Variants in PIK3AP1 observed in about 807,000 individuals in gnomAD.
PIK3AP1 encodes phosphoinositide-3-kinase adaptor protein 1, also known as phosphoinositide 3-kinase adapter protein 1.
PIK3AP1 carries 21 observed loss-of-function variants against 88.1 expected under a neutral mutation model. That is an observed-to-expected ratio of 0.24 (90% CI 0.17 to 0.34). The LOEUF (loss-of-function observed/expected upper bound fraction) is 0.34. PIK3AP1 is among the 10% of genes least tolerant of loss of function. The probability of loss-of-function intolerance (pLI) is 1.00; values close to 1 mark genes in which losing one functional copy is unlikely to be tolerated. For synonymous variants in PIK3AP1, 398 were observed against 400.0 expected (o/e 1.00, Z 0.06); for missense variants, 828 against 1,035.7 (o/e 0.80, Z 2.75).
At chr10:96,647,164 T>C (rs1223892466) in intron 7 of PIK3AP1, among the ~76,000 whole-genome samples, 1 of 152,246 alleles carries the variant, frequency 6.6e-6, no homozygotes, top group Non-Finnish European at 1.5e-5. Context: ...TGGTATGACC[T>C]AGATTGACTT....
intron 2 of PIK3AP1, among the ~76,000 whole-genome samples, chr10:96,693,138 T>A (rs780808140): frequency 4.6e-5 from 7 of 152,200 alleles, no homozygotes; most frequent in Non-Finnish European, 8.8e-5. Flanking sequence ...TTACAACAAG[T>A]TCACTTCCTT....
intron 2 of PIK3AP1, 84 bp from the exon 3 acceptor site, chr10:96,657,018 T>C: frequency 6.9e-7 from 1 of 1,443,868 alleles, no homozygotes; most frequent in Non-Finnish European, 9.5e-7. Flanking sequence ...CCCCAAATAT[T>C]GCAAAATAGG....
chr10:96,650,506 G>A (rs1182439046), intron 6 of PIK3AP1, among the ~76,000 whole-genome samples: 1 of 152,184 alleles, frequency 6.6e-6, no homozygotes, highest in African/African-American at 2.4e-5. Flanking sequence ...AGCCTACAAA[G>A]AGCCAGCCAC....
chr10:96,705,828 C>T (rs1218016239), intron 2 of PIK3AP1, among the ~76,000 whole-genome samples: 1 of 151,126 alleles, frequency 6.6e-6, no homozygotes, highest in Non-Finnish European at 1.5e-5. Context: ...AATCCTTCTG[C>T]TCCAGCCTCC....
intron 10 of PIK3AP1, among the ~76,000 whole-genome samples, chr10:96,626,248 T>C (rs985629347): frequency 3.9e-5 from 6 of 152,192 alleles, no homozygotes; most frequent in African/African-American, 1.2e-4. Flanking sequence ...CTCCCTGATT[T>C]TGGCTTTGCT....
chr10:96,709,824 A>T lies in PIK3AP1; in HGVS notation c.173T>A (p.Leu58Gln). ...ACAGCGGGTGCTGAGGAAAAGGCTT[A>T]GGTCCTCTGCCGAGAAGGAGGCCTC... is the stretch of plus-strand genomic sequence containing the variant. ...GPEASFSAEDLSLFLSTRCVV... is the reference protein window; with the variant it reads ...GPEASFSAEDQSLFLSTRCVV... The change falls in exon 2 of 17, where the codon CTA (leucine) becomes CAA (glutamine). Residue 58 changes from leucine (L) to glutamine (Q), a missense_variant. This residue lies in a region of PIK3AP1 where 610 missense variants were observed against 760.1 expected (regional missense o/e 0.80). Coordinates refer to ENST00000339364, the MANE Select transcript of PIK3AP1 (RefSeq NM_152309.3). The T allele has an allele frequency of 6.2e-7, 1 of 1,613,990 alleles. No individual in the cohort carries two copies. Among genetic ancestry groups the T allele is most frequent in the Admixed American group, 1.7e-5 (1 of 60,018 alleles).
At chr10:96,617,398 C>T (rs1330987892) in intron 12 of PIK3AP1, among the ~76,000 whole-genome samples, 1 of 152,160 alleles carries the variant, frequency 6.6e-6, no homozygotes, top group Non-Finnish European at 1.5e-5. Context: ...GACAATCTGG[C>T]TGGAGCAGAA....
rs763923650 is a variant in PIK3AP1, at chr10:96,711,739, A to ATTTTTTTTT, written c.14-1765_14-1757dup. On this transcript the variant is annotated intron_variant, in intron 1 of 16. Transcript: ENST00000339364. ...ATTTCCCCCAGGATGAGATTACCAA[A>ATTTTTTTTT]TTTTTTTTTTTTTTTTTTTTTTTTT... Among the ~76,000 whole-genome samples the ATTTTTTTTT allele has an allele frequency of 5.3e-3, 354 of 66,434 alleles. 49 individuals carry two copies. Among genetic ancestry groups the ATTTTTTTTT allele is most frequent in the African/African-American group, 0.013 (185 of 14,252 alleles). 43.6% of individuals were successfully genotyped at this position (66,434 alleles called of 152,430 possible). A position where few individuals can be genotyped will look rare whatever the true frequency, so the allele number is the denominator to read the frequency against.
intron 3 of PIK3AP1, among the ~76,000 whole-genome samples, chr10:96,656,051 T>G (rs923219026): frequency 2.0e-5 from 3 of 152,206 alleles, no homozygotes; most frequent in African/African-American, 7.2e-5. Flanking sequence ...TGCTGCCCAC[T>G]GCCAAGGCTC....
intron 8 of PIK3AP1, 112 bp downstream of exon 8, chr10:96,645,361 C>T: frequency 9.2e-7 from 1 of 1,085,330 alleles, no homozygotes; most frequent in Non-Finnish European, 1.3e-6. Context: ...ACCTTCATCT[C>T]TCTGGGGTGA....
At chr10:96,638,453 CAGACACACACACACACAG>C (rs1180277115) in intron 8 of PIK3AP1, among the ~76,000 whole-genome samples, 1 of 106,650 alleles carries the variant, frequency 9.4e-6, no homozygotes, top group African/African-American at 3.8e-5. Context: ...GACACACACA[CAGACACACACACACACAG>C]ACACACACAC....
intron 2 of PIK3AP1, among the ~76,000 whole-genome samples, chr10:96,704,001 C>T (rs1844331241): frequency 6.6e-6 from 1 of 152,092 alleles, no homozygotes; most frequent in African/African-American, 2.4e-5. Flanking sequence ...ATAAAACCTC[C>T]AAAACATATT....
chr10:96,719,844 C>G (rs184909027), intron 1 of PIK3AP1, among the ~76,000 whole-genome samples: 1 of 152,282 alleles, frequency 6.6e-6, no homozygotes, highest in East Asian at 1.9e-4. Context: ...AATAGTGTTC[C>G]TAGATCCCTA....
At chr10:96,710,127 C>T in intron 1 of PIK3AP1, 144 bp from the exon 2 acceptor site, 3 of 697,214 alleles carry the variant, frequency 4.3e-6, no homozygotes, top group Non-Finnish European at 7.0e-6. Flanking sequence ...CAGCACACCT[C>T]ACTCACGCAT....
Position 96,720,497 on chromosome 10 carries a change from G to A in PIK3AP1, c.-103C>T, listed in dbSNP as rs1204174245. 2 of 1,068,842 alleles carry A rather than the reference G, an allele frequency of 1.9e-6. No individual in the cohort carries two copies. Among genetic ancestry groups the A allele is most frequent in the Admixed American group, 4.6e-5 (1 of 21,802 alleles). 66.2% of individuals were successfully genotyped at this position (1,068,842 alleles called of 1,614,324 possible). A position where few individuals can be genotyped will look rare whatever the true frequency, so the allele number is the denominator to read the frequency against. ...GCTGGAGGGGCGCCGGGCTCCGCGC[G>A]GGACCGGCCGCCGCTCTGGCGCTTC... On this transcript the variant is annotated 5_prime_UTR_variant, in exon 1 of 17. Transcript: ENST00000339364. This position sits in a 1 kb window ranked among gnomAD's most constrained non-coding sequence, Gnocchi z 4.6.
intron 8 of PIK3AP1, among the ~76,000 whole-genome samples, chr10:96,642,488 G>A (rs1342352528): frequency 2.0e-5 from 3 of 148,402 alleles, no homozygotes; most frequent in Non-Finnish European, 3.0e-5. Flanking sequence ...AAGAAAGAAA[G>A]GTAGAAAGAA....
At position 96,709,828 on chromosome 10, in the gene PIK3AP1, C is replaced by T. The variant is rs778254809; in HGVS notation, c.169G>A (p.Asp57Asn). ...LGPEASFSAEDLSLFLSTRCV... is the reference protein window; with the variant it reads ...LGPEASFSAENLSLFLSTRCV... ...CGGGTGCTGAGGAAAAGGCTTAGGT[C>T]CTCTGCCGAGAAGGAGGCCTCGGGG... The change falls in exon 2 of 17, where the codon GAC (aspartate) becomes AAC (asparagine). Residue 57 changes from aspartate to asparagine, a missense_variant. Around this residue, in one of 3 missense-constraint regions of PIK3AP1, gnomAD observed 610 missense variants for 760.1 expected, o/e 0.80. Coordinates refer to ENST00000339364, the MANE Select transcript of PIK3AP1 (RefSeq NM_152309.3). The T allele has an allele frequency of 6.2e-7, 1 of 1,613,880 alleles. No individual in the cohort carries two copies. Among genetic ancestry groups the T allele is most frequent in the Non-Finnish European group, 8.5e-7 (1 of 1,179,974 alleles).
chr10:96,719,042 C>T (rs1286753937), intron 1 of PIK3AP1, among the ~76,000 whole-genome samples: 2 of 152,174 alleles, frequency 1.3e-5, no homozygotes, highest in South Asian at 2.1e-4. Flanking sequence ...CCTTCTTTAT[C>T]GTTTTCCCAT....
At chr10:96,606,570 C>A (rs1007201657) in intron 14 of PIK3AP1, among the ~76,000 whole-genome samples, 2 of 152,178 alleles carry the variant, frequency 1.3e-5, no homozygotes, top group Admixed American at 1.3e-4. Context: ...ACTTACTTGC[C>A]CAATCCCCTC....
Sources: allele counts gnomAD v4.1 joint callset (sites outside exome capture counted in the v4.1 genomes callset), GRCh38; gene constraint gnomAD v4.1.1; regional missense constraint gnomAD v4.1.1; non-coding constraint Gnocchi (gnomAD v3.1); transcripts MANE v1.5; gene names NCBI Gene and HGNC (gene_info 2026-07-23, HGNC 2026-07-21).